FBXO8: variants seen among roughly 807,000 people sequenced by gnomAD.
FBXO8 encodes the protein F-box only protein 8.
A neutral mutation model predicts 33.4 loss-of-function variants in FBXO8; 15 were observed. The ratio of observed to expected loss-of-function variants is 0.45; its 90% CI spans 0.30 to 0.69. The LOEUF (loss-of-function observed/expected upper bound fraction) is 0.69. FBXO8 is among the 30% of genes least tolerant of loss of function. The pLI is 0.08. For synonymous variants in FBXO8, 132 were observed against 131.5 expected, an observed-to-expected ratio of 1.00 and a Z score of -0.02; for missense variants, 274 against 380.3, an observed-to-expected ratio of 0.72 and a Z score of 2.32.
chr4:174,260,701 TTTATC>T (rs1393733320), intron 2 of FBXO8, among the ~76,000 whole-genome samples: 1 of 152,000 alleles, frequency 6.6e-6, no homozygotes, highest in East Asian at 1.9e-4. Context: ...AAGTTAATGT[TTTATC>T]TTATTATAAT....
intron 3 of FBXO8, among the ~76,000 whole-genome samples, chr4:174,246,780 T>C (rs1166451415): frequency 6.6e-6 from 1 of 151,884 alleles, no homozygotes; most frequent in East Asian, 1.9e-4. Context: ...GACAGCACAG[T>C]AGCACCGGCT....
At position 174,274,596 on chromosome 4, in the gene FBXO8, C is replaced by T. The variant is rs1319011128; in HGVS notation, c.-9+8814G>A. ...TAGTTTCAGTTAACATGGTAAAATG[C>T]AAAATGATGACTGTAAGTACTAAAA... On this transcript the variant is annotated intron_variant, in intron 1 of 5. Transcript: ENST00000393674. This position sits in a 1 kb window ranked among gnomAD's most constrained non-coding sequence, Gnocchi z 4.0. Among the ~76,000 whole-genome samples, 1 of 152,082 alleles carries T rather than the reference C, an allele frequency of 6.6e-6. No homozygotes were observed. Among genetic ancestry groups the T allele is most frequent in the Non-Finnish European group, 1.5e-5 (1 of 68,014 alleles).
rs1412500390 is a variant in FBXO8, at chr4:174,262,970, G to C, written c.123C>G (p.Thr41=). 12 of 1,613,876 alleles carry C rather than the reference G, an allele frequency of 7.4e-6. No individual in the cohort carries two copies. Among genetic ancestry groups the C allele is most frequent in the Non-Finnish European group, 1.0e-5 (12 of 1,179,926 alleles). The change falls in exon 2 of 6, where the codon ACC becomes ACG. Residue 41 remains threonine (T), a synonymous_variant. Transcript: ENST00000393674. This position sits in a 1 kb window ranked among gnomAD's most constrained non-coding sequence, Gnocchi z 4.6. ...CTCCTTGGACTTGTTTACGATGATT[G>C]GTGTTAGAAATGTTGCTCGCAGCCA... ...RRMAASNISN[T]NHRKQVQGGI...
Position 174,259,904 on chromosome 4 carries a change from A to T in FBXO8, c.330-79T>A. 7.6e-7 allele frequency: 1 copy of T among 1,324,182 alleles called. No individual in the cohort carries two copies. Among genetic ancestry groups the T allele is most frequent in the Non-Finnish European group, 1.0e-6 (1 of 976,838 alleles). The allele number at this position is 1,324,182 out of a possible 1,614,324, so 82.0% of individuals were successfully genotyped here. A position where few individuals can be genotyped will look rare whatever the true frequency, so the allele number is the denominator to read the frequency against. ...AGTTAAATATGCATATACATGCAAAAATAGTAACATGAAATAAGATTGAAT... is the reference window on the plus strand; with the variant it reads ...AGTTAAATATGCATATACATGCAAATATAGTAACATGAAATAAGATTGAAT... On this transcript the variant is annotated intron_variant, in intron 2 of 5. Transcript: ENST00000393674. This position sits in a 1 kb window ranked among gnomAD's most constrained non-coding sequence, Gnocchi z 4.3.
Position 174,263,246 on chromosome 4 carries a change from A to T in FBXO8, c.-8-146T>A, listed in dbSNP as rs764878705. 84 of 738,310 alleles carry T rather than the reference A, an allele frequency of 1.1e-4. No homozygotes were observed. The highest frequency in any genetic ancestry group is 1.6e-4 in the Non-Finnish European group (76 of 466,574). 45.7% of individuals were successfully genotyped at this position (738,310 alleles called of 1,614,324 possible). On this transcript the variant is annotated intron_variant, in intron 1 of 5. Coordinates refer to ENST00000393674, the MANE Select transcript of FBXO8 (RefSeq NM_012180.3). This position sits in a 1 kb window ranked among gnomAD's most constrained non-coding sequence, Gnocchi z 4.2. Reference sequence around the variant, plus strand: ...TACTAAAACCAGAAGTATATTACTAAGAATAGCTGGAAAATTATAAGTGCA... The same window carrying T: ...TACTAAAACCAGAAGTATATTACTATGAATAGCTGGAAAATTATAAGTGCA...
chr4:174,258,975 A>T (rs1410691008), intron 3 of FBXO8, among the ~76,000 whole-genome samples: 1 of 152,060 alleles, frequency 6.6e-6, no homozygotes, highest in African/African-American at 2.4e-5. Context: ...TGCACCCAAA[A>T]GTAGTAGTTC....
chr4:174,253,774 C>A lies in FBXO8; in HGVS notation c.456+5925G>T, dbSNP rs143554672. Among the ~76,000 whole-genome samples the A allele has an allele frequency of 2.0e-5, 3 of 152,238 alleles. No homozygotes were observed. The highest frequency in any genetic ancestry group is 1.3e-4 in the Admixed American group (2 of 15,280). ...GTTCTATAAGAAATGAGTAGAAGTA[C>A]GCCAAAGGCTTCTCAAAAAGATTTT... On this transcript the variant is annotated intron_variant, in intron 3 of 5. Transcript: ENST00000393674. The surrounding 1 kb of genome is among the most constrained non-coding windows in gnomAD (Gnocchi z 4.5).
chr4:174,239,268 A>AT (rs1735972575), intron 4 of FBXO8, 78 bp from the exon 5 acceptor site: 4 of 1,032,072 alleles, frequency 3.9e-6, no homozygotes, highest in South Asian at 4.4e-5. Context: ...ACAAATTTCC[A>AT]TTTTTTGGAT....
Position 174,277,453 on chromosome 4 carries a change from G to T in FBXO8, c.-9+5957C>A, listed in dbSNP as rs1736984512. 6.6e-6 allele frequency among the ~76,000 whole-genome samples: 1 copy of T among 152,086 alleles called. No individual in the cohort carries two copies. The highest frequency in any genetic ancestry group is 1.5e-5 in the Non-Finnish European group (1 of 67,980). ...TTTCATGGCACTAAGCACTCAAATG[G>T]CACATGCTGTGCAGACAATAAGTAA... On this transcript the variant is annotated intron_variant, in intron 1 of 5. Transcript: ENST00000393674. The surrounding 1 kb of genome is among the most constrained non-coding windows in gnomAD (Gnocchi z 4.9).
chr4:174,237,323 T>G lies in FBXO8; in HGVS notation c.*89A>C. The stretch of plus-strand genomic sequence containing the variant: ...GCTTGATTGTATACTCAGGCTACAA[T>G]GACCAGCACTGATGTAACCCCCATA... On this transcript the variant is annotated 3_prime_UTR_variant, in exon 6 of 6. Transcript: ENST00000393674. The surrounding 1 kb of genome is among the most constrained non-coding windows in gnomAD (Gnocchi z 4.4). The G allele has an allele frequency of 9.7e-7, 1 of 1,031,220 alleles. No individual in the cohort carries two copies. Among genetic ancestry groups the G allele is most frequent in the Non-Finnish European group, 1.4e-6 (1 of 713,676 alleles). The allele number at this position is 1,031,220 out of a possible 1,614,324, so 63.9% of individuals were successfully genotyped here.
intron 1 of FBXO8, among the ~76,000 whole-genome samples, chr4:174,282,526 T>A (rs1484646668): frequency 6.6e-6 from 1 of 152,218 alleles, no homozygotes; most frequent in Non-Finnish European, 1.5e-5. Flanking sequence ...GCATTCTTTA[T>A]TCTGAAACCT....
rs1736442655 is a variant in FBXO8 at position 174,257,470 on chromosome 4, C to T, written c.456+2229G>A. ...ATATGAATTGAAGATGACAGTTTTA[C>T]TCAACATCAGAATAATTCATGACAG... is the stretch of plus-strand genomic sequence containing the variant. On this transcript the variant is annotated intron_variant, in intron 3 of 5. Transcript: ENST00000393674. This position sits in a 1 kb window ranked among gnomAD's most constrained non-coding sequence, Gnocchi z 4.3. 6.6e-6 allele frequency among the ~76,000 whole-genome samples: 1 copy of T among 152,018 alleles called. No homozygotes were observed. The highest frequency in any genetic ancestry group is 1.5e-5 in the Non-Finnish European group (1 of 68,010).
chr4:174,245,751 G>T lies in FBXO8; in HGVS notation c.457-4533C>A, dbSNP rs576490182. Among the ~76,000 whole-genome samples the T allele has an allele frequency of 6.6e-6, 1 of 151,636 alleles. No homozygotes were observed. The highest frequency in any genetic ancestry group is 2.1e-4 in the South Asian group (1 of 4,810). On this transcript the variant is annotated intron_variant, in intron 3 of 5. Coordinates refer to ENST00000393674, the MANE Select transcript of FBXO8 (RefSeq NM_012180.3). The surrounding 1 kb of genome is among the most constrained non-coding windows in gnomAD (Gnocchi z 4.6). ...TAAAAAATAAAAATAAATAGATAGC[G>T]GGCTATACAACTGTATATGTTACAT...
At position 174,281,029 on chromosome 4, in the gene FBXO8, T is replaced by C. The variant is rs1737074916; in HGVS notation, c.-9+2381A>G. On this transcript the variant is annotated intron_variant, in intron 1 of 5. Transcript: ENST00000393674. The surrounding 1 kb of genome is among the most constrained non-coding windows in gnomAD (Gnocchi z 4.6). ...AGAATGGTTAAGATGGTAAATTTTA[T>C]GTTACGTATATTTTACTACAATTTA... 6.6e-6 allele frequency among the ~76,000 whole-genome samples: 1 copy of C among 152,188 alleles called. No homozygotes were observed. Among genetic ancestry groups the C allele is most frequent in the African/African-American group, 2.4e-5 (1 of 41,438 alleles).
intron 3 of FBXO8, among the ~76,000 whole-genome samples, chr4:174,245,000 C>G (rs939461466): frequency 6.6e-6 from 1 of 151,666 alleles, no homozygotes; most frequent in African/African-American, 2.4e-5. Flanking sequence ...TACATATATG[C>G]ATCTGCTTTA....
chr4:174,281,566 T>G lies in FBXO8; in HGVS notation c.-9+1844A>C, dbSNP rs1737088244. Among the ~76,000 whole-genome samples the G allele has an allele frequency of 2.0e-5, 3 of 152,136 alleles. No individual in the cohort carries two copies. The highest frequency in any genetic ancestry group is 7.2e-5 in the African/African-American group (3 of 41,432). On this transcript the variant is annotated intron_variant, in intron 1 of 5. Coordinates refer to ENST00000393674, the MANE Select transcript of FBXO8 (RefSeq NM_012180.3). This position sits in a 1 kb window ranked among gnomAD's most constrained non-coding sequence, Gnocchi z 4.6. ...AACCACACGTGATGGCGTGTGCCTG[T>G]GGTCCCAGGTACTCTGAAGGCTGAG...
In FBXO8 at chr4:174,239,184, A is replaced by C. The variant is rs1032391434; in HGVS notation, c.582T>G (p.Asp194Glu). ...GCAATGTTACAAGGTCATCCAAGACATCTCTCCTACAGAAAGAAAAAAAGG... is the reference window on the plus strand; with the variant it reads ...GCAATGTTACAAGGTCATCCAAGACCTCTCTCCTACAGAAAGAAAAAAAGG... ...KLRIYLDERR[D>E]VLDDLVTLHN... The change falls in exon 5 of 6, where the codon GAT becomes GAG. Residue 194 changes from aspartate (D) to glutamate (E), a missense_variant. This residue lies in a region of FBXO8 where 186 missense variants were observed against 293.4 expected (regional missense o/e 0.63). Coordinates refer to ENST00000393674, the MANE Select transcript of FBXO8 (RefSeq NM_012180.3). 4 of 1,566,152 alleles carry C rather than the reference A, an allele frequency of 2.6e-6. No individual in the cohort carries two copies. In the African/African-American group the frequency reaches 5.5e-5, roughly 21 times the overall value.
rs1736848649 is a variant in FBXO8 at position 174,272,023 on chromosome 4, C to A, written c.-8-8923G>T. ...GACCCCCTTAGGGGCTACAAAGAAACTCCTAAGGCAATGTTTCCTAAACTT... is the reference window on the plus strand; with the variant it reads ...GACCCCCTTAGGGGCTACAAAGAAAATCCTAAGGCAATGTTTCCTAAACTT... On this transcript the variant is annotated intron_variant, in intron 1 of 5. Coordinates refer to ENST00000393674, the MANE Select transcript of FBXO8 (RefSeq NM_012180.3). The surrounding 1 kb of genome is among the most constrained non-coding windows in gnomAD (Gnocchi z 4.7). 6.6e-6 allele frequency among the ~76,000 whole-genome samples: 1 copy of A among 152,182 alleles called. No homozygotes were observed. The highest frequency in any genetic ancestry group is 1.5e-5 in the Non-Finnish European group (1 of 68,032).
Position 174,275,153 on chromosome 4 carries a change from C to G in FBXO8, c.-9+8257G>C, listed in dbSNP as rs2126449108. ...GGGCAAAAGATATAAACACACGTTT[C>G]ATGAAAGAGGATATACAAATGGCAA... On this transcript the variant is annotated intron_variant, in intron 1 of 5. Coordinates refer to ENST00000393674, the MANE Select transcript of FBXO8 (RefSeq NM_012180.3). The surrounding 1 kb of genome is among the most constrained non-coding windows in gnomAD (Gnocchi z 4.4). 6.6e-6 allele frequency among the ~76,000 whole-genome samples: 1 copy of G among 152,238 alleles called. No individual in the cohort carries two copies. Among genetic ancestry groups the G allele is most frequent in the East Asian group, 1.9e-4 (1 of 5,184 alleles).
Sources: gnomAD v4.1 joint callset for allele counts (sites outside exome capture counted in the v4.1 genomes callset) on GRCh38, gnomAD v4.1.1 for gene constraint, gnomAD v4.1.1 regional missense constraint, Gnocchi (gnomAD v3.1) non-coding constraint, MANE v1.5 for transcripts, NCBI Gene and HGNC (gene_info 2026-07-23, HGNC 2026-07-21) for gene names.